Variants in RHEB observed in about 807,000 individuals in gnomAD.
RHEB encodes GTP-binding protein Rheb.
Under a neutral mutation model 28.8 loss-of-function variants are expected in RHEB, and 2 were observed. That is an observed-to-expected ratio of 0.07 (90% CI 0.03 to 0.22). The LOEUF (loss-of-function observed/expected upper bound fraction) is 0.22. Ranked by LOEUF, RHEB falls within the 10% of genes least tolerant of loss-of-function variation. The probability of loss-of-function intolerance (pLI) is 1.00; values close to 1 mark genes in which losing one functional copy is unlikely to be tolerated. For missense variants in RHEB, 76 were observed against 219.9 expected (o/e 0.35, Z 4.14); for synonymous variants, 69 against 77.3 (o/e 0.89, Z 0.56).
At chr7:151,503,809 T>C (rs925116813) in intron 1 of RHEB, among the ~76,000 whole-genome samples, 5 of 151,846 alleles carry the variant, frequency 3.3e-5, no homozygotes, top group African/African-American at 1.2e-4. Flanking sequence ...GAAGTAAAAA[T>C]ATTTTAACTG....
At chr7:151,486,600 G>A (rs1433670474) in intron 2 of RHEB, among the ~76,000 whole-genome samples, 1 of 152,202 alleles carries the variant, frequency 6.6e-6, no homozygotes, top group Non-Finnish European at 1.5e-5. Context: ...GGAGGCAGAA[G>A]GTCCTACAGA....
In RHEB at chr7:151,471,380, TA is replaced by T; in HGVS notation, c.380+13del. On this transcript the variant is annotated intron_variant, in intron 6 of 7. Coordinates refer to ENST00000262187, the MANE Select transcript of RHEB (RefSeq NM_005614.4). The stretch of plus-strand genomic sequence containing the variant: ...CTAAATCATCTTAGATTTGACTTTA[TA>T]AAAGCTACATACCTTTCCATATGCA... 2.7e-6 allele frequency: 4 copies of T among 1,490,536 alleles called. No homozygotes were observed. Among genetic ancestry groups the T allele is most frequent in the Non-Finnish European group, 1.9e-6 (2 of 1,075,390 alleles). The allele number at this position is 1,490,536 out of a possible 1,614,324, so 92.3% of individuals were successfully genotyped here. A position where few individuals can be genotyped will look rare whatever the true frequency, so the allele number is the denominator to read the frequency against.
At chr7:151,481,051 A>G (rs1802374560) in intron 3 of RHEB, among the ~76,000 whole-genome samples, 1 of 152,144 alleles carries the variant, frequency 6.6e-6, no homozygotes, top group South Asian at 2.1e-4. Context: ...CTTGAGCAGT[A>G]GGATATAAAT....
intron 1 of RHEB, among the ~76,000 whole-genome samples, chr7:151,504,286 T>C (rs1275680027): frequency 6.6e-6 from 1 of 151,830 alleles, no homozygotes; most frequent in East Asian, 1.9e-4. Flanking sequence ...ATTGCTGGGA[T>C]TGGGGGAAAT....
rs60224541 is a variant in RHEB at position 151,491,960 on chromosome 7, C to T, written c.53-946G>A. Reference sequence around the variant, plus strand: ...ACTCTTCTGCTACCTAAAATGTCTACTGGAGGACTTTAGAACAGGGTACAT... The same window carrying T: ...ACTCTTCTGCTACCTAAAATGTCTATTGGAGGACTTTAGAACAGGGTACAT... On this transcript the variant is annotated intron_variant, in intron 1 of 7. Coordinates refer to ENST00000262187, the MANE Select transcript of RHEB (RefSeq NM_005614.4). Among the ~76,000 whole-genome samples the T allele has an allele frequency of 1.7e-3, 253 of 152,300 alleles. 2 individuals carry two copies. Among genetic ancestry groups the T allele is most frequent in the African/African-American group, 5.8e-3 (242 of 41,570 alleles).
At chr7:151,519,260 C>G (rs892717873) in intron 1 of RHEB, 200 bp downstream of exon 1, 1 of 250,914 alleles carries the variant, frequency 4.0e-6, no homozygotes, top group African/African-American at 2.3e-5. Flanking sequence ...GGGCGCCCAG[C>G]TACCGCGGCT....
chr7:151,472,430 C>T lies in RHEB; in HGVS notation c.276-825G>A, dbSNP rs1443411289. Among the ~76,000 whole-genome samples, 5 of 152,194 alleles carry T rather than the reference C, an allele frequency of 3.3e-5. No individual in the cohort carries two copies. Among genetic ancestry groups the T allele is most frequent in the Non-Finnish European group, 7.3e-5 (5 of 68,038 alleles). On this transcript the variant is annotated intron_variant, in intron 4 of 7. Coordinates refer to ENST00000262187, the MANE Select transcript of RHEB (RefSeq NM_005614.4). This position sits in a 1 kb window ranked among gnomAD's most constrained non-coding sequence, Gnocchi z 5.2. The stretch of plus-strand genomic sequence containing the variant: ...TGGTTCAACATCCTCTGATGGGTGG[C>T]CATCTTTACTCGGCCCCAGTGACTC...
chr7:151,471,277 C>T (rs1584846207), intron 6 of RHEB, 117 bp downstream of exon 6: 1 of 712,118 alleles, frequency 1.4e-6, no homozygotes, highest in East Asian at 2.6e-5. Flanking sequence ...ACGACCATAA[C>T]ACCTCTGAAC....
intron 4 of RHEB, among the ~76,000 whole-genome samples, chr7:151,475,803 C>A (rs185785849): frequency 3.2e-4 from 49 of 152,074 alleles, no homozygotes; most frequent in African/African-American, 1.1e-3. Context: ...ATTTCAAATA[C>A]TAGGTAATAT....
chr7:151,511,881 C>T (rs927925159), intron 1 of RHEB, among the ~76,000 whole-genome samples: 1 of 152,158 alleles, frequency 6.6e-6, no homozygotes, highest in Non-Finnish European at 1.5e-5. Context: ...GAACTCCTGA[C>T]CTCAGGTGAT....
chr7:151,505,927 G>T (rs1802865134), intron 1 of RHEB, among the ~76,000 whole-genome samples: 1 of 151,390 alleles, frequency 6.6e-6, no homozygotes, highest in Non-Finnish European at 1.5e-5. Context: ...GAAATTTTAG[G>T]GTAAGAAAAA....
At chr7:151,505,129 C>A (rs1802846369) in intron 1 of RHEB, among the ~76,000 whole-genome samples, 1 of 147,384 alleles carries the variant, frequency 6.8e-6, no homozygotes. Flanking sequence ...TTATGATCTT[C>A]AGGTAGACAG....
chr7:151,476,520 C>A (rs1000119426), intron 4 of RHEB, among the ~76,000 whole-genome samples: 54 of 152,318 alleles, frequency 3.5e-4, no homozygotes, highest in African/African-American at 1.3e-3. Context: ...TGCTTTAGGT[C>A]TCTGTCACTC....
At chr7:151,519,256 C>T (rs2150942627) in intron 1 of RHEB, 1 of 243,592 alleles carries the variant, frequency 4.1e-6, no homozygotes, top group African/African-American at 2.3e-5. Flanking sequence ...CGGAGGGCGC[C>T]CAGCTACCGC....
At position 151,490,933 on chromosome 7, in the gene RHEB, C is replaced by G; in HGVS notation, c.124+10G>C. 1 of 1,601,054 alleles carries G rather than the reference C, an allele frequency of 6.2e-7. No homozygotes were observed. The highest frequency in any genetic ancestry group is 8.6e-7 in the Non-Finnish European group (1 of 1,168,170). Reference sequence around the variant, plus strand: ...TTCTCAGTTTTTAAGTACTTGAAAACAATACTTACTGTTTTCTATGGTTGG... The same window carrying G: ...TTCTCAGTTTTTAAGTACTTGAAAAGAATACTTACTGTTTTCTATGGTTGG... On this transcript the variant is annotated intron_variant, in intron 2 of 7. Transcript: ENST00000262187.
intron 1 of RHEB, among the ~76,000 whole-genome samples, chr7:151,505,522 C>T (rs1482471162): frequency 6.6e-6 from 1 of 152,182 alleles, no homozygotes; most frequent in Admixed American, 6.5e-5. Flanking sequence ...GATGGGCAGG[C>T]AGCAACCAAA....
chr7:151,502,578 T>C (rs1802792233), intron 1 of RHEB: 1 of 1,230,424 alleles, frequency 8.1e-7, no homozygotes, highest in Non-Finnish European at 1.2e-6. Context: ...ACAAATTCCA[T>C]AAAGGGGCTC....
chr7:151,486,330 A>G (rs1053134091), intron 2 of RHEB, among the ~76,000 whole-genome samples: 2 of 152,182 alleles, frequency 1.3e-5, no homozygotes, highest in Admixed American at 1.3e-4. Flanking sequence ...TCATTCATTC[A>G]AGAACAATTT....
intron 1 of RHEB, chr7:151,502,666 C>T: frequency 6.2e-7 from 1 of 1,609,688 alleles, no homozygotes; most frequent in Non-Finnish European, 8.5e-7. Flanking sequence ...TGGCACACTC[C>T]AAGGAAACAC....
Sources: gnomAD v4.1 joint callset for allele counts (sites outside exome capture counted in the v4.1 genomes callset) on GRCh38, gnomAD v4.1.1 for gene constraint, Gnocchi (gnomAD v3.1) non-coding constraint, MANE v1.5 for transcripts, NCBI Gene and HGNC (gene_info 2026-07-23, HGNC 2026-07-21) for gene names.